Variants in KLF12 observed in about 807,000 individuals in gnomAD.
KLF12 encodes Krueppel-like factor 12.
A neutral mutation model predicts 37.8 loss-of-function variants in KLF12; 9 were observed. The ratio of observed to expected loss-of-function variants is 0.24; its 90% CI spans 0.14 to 0.42. The LOEUF is 0.42. Among genes scored for constraint, KLF12 ranks in the 10% least tolerant of loss-of-function variants. The pLI is 1.00. For synonymous variants in KLF12, 208 were observed against 202.1 expected (o/e 1.03, Z -0.25); for missense variants, 411 against 516.0 (o/e 0.80, Z 1.97).
chr13:73,815,055 A>AC (rs2138450637), intron 4 of KLF12, among the ~76,000 whole-genome samples: 1 of 141,504 alleles, frequency 7.1e-6, no homozygotes, highest in South Asian at 2.4e-4. Flanking sequence ...AAAAAAAAAA[A>AC]ATCACTGTCA....
At chr13:73,975,534 C>CTACTT (rs1891489359) in intron 2 of KLF12, among the ~76,000 whole-genome samples, 1 of 152,170 alleles carries the variant, frequency 6.6e-6, no homozygotes, top group African/African-American at 2.4e-5. Context: ...TTCTCTTGTC[C>CTACTT]TACTTTATTT....
intron 1 of KLF12, among the ~76,000 whole-genome samples, chr13:74,112,521 T>C (rs1877043040): frequency 6.6e-6 from 1 of 152,116 alleles, no homozygotes. Flanking sequence ...CACATTTTGG[T>C]AATTCTTGCA....
chr13:74,101,017 C>T (rs557224324), intron 1 of KLF12, among the ~76,000 whole-genome samples: 1 of 152,248 alleles, frequency 6.6e-6, no homozygotes, highest in Admixed American at 6.5e-5. Context: ...AGGCCATCAC[C>T]ACACCCACCC....
chr13:73,862,024 T>C (rs534370830), intron 3 of KLF12, among the ~76,000 whole-genome samples: 1 of 151,428 alleles, frequency 6.6e-6, no homozygotes, highest in South Asian at 2.1e-4. Context: ...TTTGCTTAAG[T>C]GTACAAACAG....
chr13:74,110,119 G>A (rs1205892261), intron 1 of KLF12, among the ~76,000 whole-genome samples: 1 of 152,172 alleles, frequency 6.6e-6, no homozygotes, highest in East Asian at 1.9e-4. Context: ...ATGTTTCTCT[G>A]TAGGCTTAAG....
At chr13:73,698,352 ATG>A (rs1344012390) in intron 7 of KLF12, among the ~76,000 whole-genome samples, 1 of 152,024 alleles carries the variant, frequency 6.6e-6, no homozygotes, top group African/African-American at 2.4e-5. Flanking sequence ...CTTAACAAGG[ATG>A]TGAGAGGCTG....
At chr13:74,123,188 G>A (rs1877738195) in intron 1 of KLF12, among the ~76,000 whole-genome samples, 1 of 151,842 alleles carries the variant, frequency 6.6e-6, no homozygotes, top group African/African-American at 2.4e-5. Context: ...TCTGTGTGTT[G>A]GTTGGAAACA....
chr13:74,222,297 A>C, the KLF12 span, among the ~76,000 whole-genome samples: 1,785 of 152,354 alleles, frequency 0.012, 43 homozygotes, highest in African/African-American at 0.041. Flanking sequence ...GGGTGAAAGC[A>C]AATGTCTGTA....
chr13:73,902,999 T>G (rs780943725), intron 3 of KLF12, among the ~76,000 whole-genome samples: 3 of 152,234 alleles, frequency 2.0e-5, no homozygotes, highest in Non-Finnish European at 2.9e-5. Context: ...AGGACACAGC[T>G]GGTTTATTCA....
intron 6 of KLF12, among the ~76,000 whole-genome samples, chr13:73,748,463 A>T (rs547191556): frequency 6.6e-5 from 10 of 152,224 alleles, no homozygotes; most frequent in Non-Finnish European, 1.3e-4. Flanking sequence ...TGGGGCCCTT[A>T]GGATGGGATT....
chr13:73,831,696 T>C lies in KLF12; in HGVS notation c.670+14131A>G, dbSNP rs187377582. ...TTTTCTTTGCTGGCTGCCACTTTTT[T>C]ACCCTCAGTGCCCCTACAGATAAAG... On this transcript the variant is annotated intron_variant, in intron 4 of 7. Transcript: ENST00000377669. 1.8e-3 allele frequency among the ~76,000 whole-genome samples: 273 copies of C among 152,336 alleles called. 7 individuals are homozygous for C. In the East Asian group the frequency reaches 0.044, roughly 25 times the overall value.
chr13:74,189,368 T>C, the KLF12 span, among the ~76,000 whole-genome samples: 2 of 152,184 alleles, frequency 1.3e-5, no homozygotes, highest in South Asian at 4.1e-4. Flanking sequence ...AGAACGTCTA[T>C]ATCTGGTACA....
chr13:74,157,179 C>A, the KLF12 span, among the ~76,000 whole-genome samples: 1 of 152,048 alleles, frequency 6.6e-6, no homozygotes, highest in Non-Finnish European at 1.5e-5. Context: ...AGTAATTTAC[C>A]CATCAAGAGA....
the KLF12 span, among the ~76,000 whole-genome samples, chr13:74,202,430 G>A: frequency 6.6e-6 from 1 of 152,104 alleles, no homozygotes; most frequent in East Asian, 1.9e-4. Context: ...GAGGAACTAG[G>A]ACTGCAGAGC....
At chr13:74,063,763 C>T (rs1448762645) in intron 1 of KLF12, among the ~76,000 whole-genome samples, 2 of 152,112 alleles carry the variant, frequency 1.3e-5, no homozygotes, top group African/African-American at 4.8e-5. Flanking sequence ...ATTAGACTAC[C>T]AAATTTTATT....
intron 1 of KLF12, among the ~76,000 whole-genome samples, chr13:74,052,963 T>G (rs1873018374): frequency 6.6e-6 from 1 of 152,326 alleles, no homozygotes; most frequent in East Asian, 1.9e-4. Context: ...GGCTACCATA[T>G]GCTCTATCCA....
intron 1 of KLF12, among the ~76,000 whole-genome samples, chr13:74,100,110 T>C (rs1460723765): frequency 6.6e-6 from 1 of 150,950 alleles, no homozygotes; most frequent in East Asian, 1.9e-4. Flanking sequence ...GACAGAGGGG[T>C]TGTGGGGGTG....
At chr13:74,177,702 T>C in the KLF12 span, among the ~76,000 whole-genome samples, 1 of 151,872 alleles carries the variant, frequency 6.6e-6, no homozygotes, top group Admixed American at 6.6e-5. Context: ...TTTGTACGAG[T>C]TCAGGTGAGG....
At chr13:73,804,255 T>C (rs1017606541) in intron 5 of KLF12, among the ~76,000 whole-genome samples, 4 of 152,210 alleles carry the variant, frequency 2.6e-5, no homozygotes, top group African/African-American at 7.2e-5. Flanking sequence ...GTTCATCCCA[T>C]AAAGTTTGAC....
Sources: gnomAD v4.1 joint callset for allele counts (sites outside exome capture counted in the v4.1 genomes callset) on GRCh38, gnomAD v4.1.1 for gene constraint, MANE v1.5 for transcripts, NCBI Gene and HGNC (gene_info 2026-07-23, HGNC 2026-07-21) for gene names.